Variants in TNC observed in about 807,000 individuals in gnomAD.
The protein encoded by TNC is tenascin.
In TNC, 109 loss-of-function variants were observed where a neutral mutation model predicts 202.4. The ratio of observed to expected loss-of-function variants is 0.54; its 90% CI spans 0.46 to 0.63. The LOEUF (loss-of-function observed/expected upper bound fraction) is 0.63, where lower values mean the gene tolerates loss of function less well. TNC is among the 30% of genes least tolerant of loss of function. The pLI is 0.00. For synonymous variants in TNC, 1,007 were observed against 1,089.7 expected (o/e 0.92, Z 1.50); for missense variants, 2,756 against 2,833.3 (o/e 0.97, Z 0.62).
At chr9:115,050,594 CCAAAGTTCTCTTAAAAACGAGAGGGAGTT>C (rs1336471954) in intron 15 of TNC, among the ~76,000 whole-genome samples, 16 of 152,260 alleles carry the variant, frequency 1.1e-4, no homozygotes, top group African/African-American at 3.6e-4. Context: ...TAAAACACAT[CCAAAGTTCTCTTAAAAACGAGAGGGAGTT>C]CATGATTGCA....
intron 22 of TNC, among the ~76,000 whole-genome samples, chr9:115,034,842 A>G (rs932386948): frequency 3.3e-5 from 5 of 152,228 alleles, no homozygotes; most frequent in African/African-American, 9.6e-5. Flanking sequence ...ACATATTACA[A>G]TATATAATAT....
At chr9:115,057,012 T>C in intron 15 of TNC, 141 bp downstream of exon 15, 2 of 1,008,018 alleles carry the variant, frequency 2.0e-6, no homozygotes, top group Non-Finnish European at 2.8e-6. Context: ...AAGAGTTATG[T>C]TAAACAGCAC....
chr9:115,085,062 A>G (rs901298830), intron 3 of TNC, among the ~76,000 whole-genome samples: 1 of 152,200 alleles, frequency 6.6e-6, no homozygotes, highest in African/African-American at 2.4e-5. Context: ...AAAATTCTCC[A>G]TTATGACAAT....
At chr9:115,087,294 G>A in intron 2 of TNC, 21 bp from the exon 3 acceptor site, 1 of 1,606,766 alleles carries the variant, frequency 6.2e-7, no homozygotes, top group East Asian at 2.2e-5. Flanking sequence ...AGAAACAGAA[G>A]TTCTCAGCCA....
chr9:115,070,025 T>C (rs1465581153), intron 10 of TNC, among the ~76,000 whole-genome samples: 3 of 151,840 alleles, frequency 2.0e-5, no homozygotes, highest in African/African-American at 7.3e-5. Context: ...TAAACACTCA[T>C]GAAGCTCATA....
rs201327197 is a variant in TNC, at chr9:115,057,366, G to C, written c.4366C>G (p.Leu1456Val). 334 of 1,613,982 alleles carry C rather than the reference G, an allele frequency of 2.1e-4. No individual in the cohort carries two copies. The highest frequency in any genetic ancestry group is 2.7e-4 in the Non-Finnish European group (320 of 1,180,012). The change falls in exon 15 of 28, where the codon CTC (leucine) becomes GTC (valine). Residue 1456 changes from leucine to valine, a missense_variant. Coordinates refer to ENST00000350763, the MANE Select transcript of TNC (RefSeq NM_002160.4). ...VSDITPESFNLSWMATDGIFE... is the reference protein window; with the variant it reads ...VSDITPESFNVSWMATDGIFE... ...ATCCCATCGGTAGCCATCCAGGAGA[G>C]ATTGAAGCTCTCGGGAGTTATGTCA...
At position 115,066,640 on chromosome 9, in the gene TNC, C is replaced by G. The variant is rs79077337; in HGVS notation, c.3215-1721G>C. Among the ~76,000 whole-genome samples the G allele has an allele frequency of 4.1e-3, 623 of 152,258 alleles. 2 individuals are homozygous for G. Among genetic ancestry groups the G allele is most frequent in the Non-Finnish European group, 7.1e-3 (486 of 68,022 alleles). On this transcript the variant is annotated intron_variant, in intron 10 of 27. Transcript: ENST00000350763. ...GAACAGAGGTCCGCAAACTGTTACCCGAGGCCCACATCTGGCCAGCTGCTT... is the reference window on the plus strand; with the variant it reads ...GAACAGAGGTCCGCAAACTGTTACCGGAGGCCCACATCTGGCCAGCTGCTT...
chr9:115,117,581 C>T (rs971581488), intron 1 of TNC, among the ~76,000 whole-genome samples: 24 of 152,156 alleles, frequency 1.6e-4, no homozygotes, highest in African/African-American at 5.1e-4. Flanking sequence ...CTCCCTCTAA[C>T]CCATCCCAGG....
intron 6 of TNC, among the ~76,000 whole-genome samples, chr9:115,081,458 C>T (rs529798835): frequency 3.9e-5 from 6 of 152,254 alleles, no homozygotes; most frequent in Non-Finnish European, 8.8e-5. Context: ...ACAGGACCAG[C>T]ATCCTGGAGA....
chr9:115,027,974 A>G (rs1203330602), intron 25 of TNC, among the ~76,000 whole-genome samples: 5 of 152,170 alleles, frequency 3.3e-5, no homozygotes. Context: ...ATTTAAAGGT[A>G]ATTAGGCTTC....
chr9:115,035,689 C>A, intron 21 of TNC: 1 of 259,970 alleles, frequency 3.8e-6, no homozygotes, highest in South Asian at 9.2e-5. Flanking sequence ...CTCTGTTTCC[C>A]TGCTTGCTAT....
At chr9:115,037,430 G>C (rs1350858401) in intron 20 of TNC, among the ~76,000 whole-genome samples, 2 of 152,338 alleles carry the variant, frequency 1.3e-5, no homozygotes, top group East Asian at 3.9e-4. Flanking sequence ...GCTGTAGTTT[G>C]CTGGTGCTCT....
At position 115,063,978 on chromosome 9, in the gene TNC, T is replaced by G. The variant is rs765052871; in HGVS notation, c.3578A>C (p.Glu1193Ala). 1.2e-6 allele frequency: 2 copies of G among 1,614,050 alleles called. No individual in the cohort carries two copies. The highest frequency in any genetic ancestry group is 2.7e-5 in the African/African-American group (2 of 74,916). Residue 1193 changes from glutamate to alanine, a missense_variant, in exon 12 of 28, where the codon GAG (glutamate) becomes GCG (alanine). Glu to Ala is a moderately radical substitution (Grantham distance 107). Around this residue, in one of 2 missense-constraint regions of TNC, gnomAD observed 2,559 missense variants for 2,546.0 expected, o/e 1.01. Transcript: ENST00000350763. ...CTCCTGCACCTGAATGAAAAAGTAC[T>G]CATAGGCCCCTTCTGGAGCAGTCCA... ...LNWTAPEGAY[E>A]YFFIQVQEAD...
In TNC at chr9:115,091,353, C is replaced by T. The variant is rs79217505; in HGVS notation, c.-136-199G>A. Among the ~76,000 whole-genome samples, 3,950 of 152,168 alleles carry T rather than the reference C, an allele frequency of 0.026. 415 individuals are homozygous for T. The East Asian group carries it at 0.38, about 15-fold the overall frequency. On this transcript the variant is annotated intron_variant, in intron 1 of 27. Coordinates refer to ENST00000350763, the MANE Select transcript of TNC (RefSeq NM_002160.4). ...TGAAGGAATGATTTCACTCACTATT[C>T]AACTTCTGTAAATTTAAGGAGACAG...
chr9:115,086,567 T>A lies in TNC; in HGVS notation c.1164A>T (p.Val388=). 1 of 1,613,562 alleles carries A rather than the reference T, an allele frequency of 6.2e-7. No homozygotes were observed. The highest frequency in any genetic ancestry group is 8.5e-7 in the Non-Finnish European group (1 of 1,179,914). Residue 388 remains valine, a synonymous_variant, in exon 3 of 28, where the codon GTA becomes GTT. Transcript: ENST00000350763. The stretch of plus-strand genomic sequence containing the variant: ...CATCATCACACTCACACCGCCCGTC[T>A]ACACAGCGGCCACGATTGTGACAGT... The part of the protein sequence containing the change: ...PADCHNRGRC[V]DGRCECDDGF...
At chr9:115,081,363 A>G (rs1466077162) in intron 6 of TNC, among the ~76,000 whole-genome samples, 1 of 152,168 alleles carries the variant, frequency 6.6e-6, no homozygotes, top group Non-Finnish European at 1.5e-5. Context: ...CTGTTTCTCT[A>G]TTCCTTAAAT....
chr9:115,073,820 G>A lies in TNC; in HGVS notation c.2997C>T (p.Thr999=), dbSNP rs765728182. The A allele has an allele frequency of 6.2e-7, 1 of 1,613,612 alleles. No homozygotes were observed. The highest frequency in any genetic ancestry group is 1.1e-5 in the South Asian group (1 of 91,082). ...GTGTCTTCCAGAGCAGGGTCAGGCT[G>A]GTCTCTGCAGTTTCAGAAACCTGAA... ...KDLQVSETAE[T]SLTLLWKTPL... is the part of the protein sequence containing the mutation. Residue 999 remains threonine (T), a synonymous_variant, in exon 10 of 28, where the codon ACC becomes ACT. Coordinates refer to ENST00000350763, the MANE Select transcript of TNC (RefSeq NM_002160.4).
At chr9:115,064,342 T>C (rs1289123288) in intron 11 of TNC, among the ~76,000 whole-genome samples, 1 of 152,214 alleles carries the variant, frequency 6.6e-6, no homozygotes, top group Non-Finnish European at 1.5e-5. Flanking sequence ...CTTTCATATA[T>C]AGTGCCTTAA....
intron 3 of TNC, among the ~76,000 whole-genome samples, chr9:115,085,175 T>C (rs1387721052): frequency 6.6e-6 from 1 of 152,184 alleles, no homozygotes; most frequent in East Asian, 1.9e-4. Flanking sequence ...ACTAAGCACT[T>C]AATATGTACC....
Sources: allele counts gnomAD v4.1 joint callset (sites outside exome capture counted in the v4.1 genomes callset), GRCh38; gene constraint gnomAD v4.1.1; regional missense constraint gnomAD v4.1.1; transcripts MANE v1.5; gene names NCBI Gene and HGNC (gene_info 2026-07-23, HGNC 2026-07-21).